MB21D2: variants seen among roughly 807,000 people sequenced by gnomAD.
The protein encoded by MB21D2 is Mab-21 domain containing 2.
In MB21D2, 9 loss-of-function variants were observed where a neutral mutation model predicts 33.3. That is an observed-to-expected ratio of 0.27 (90% confidence interval 0.16 to 0.47). MB21D2 has a LOEUF of 0.47. MB21D2 is among the 20% of genes least tolerant of loss of function. The probability of loss-of-function intolerance (pLI) is 0.99; values close to 1 mark genes in which losing one functional copy is unlikely to be tolerated. For synonymous variants in MB21D2, 241 were observed against 236.3 expected (o/e 1.02, Z -0.18); for missense variants, 540 against 624.6 (o/e 0.86, Z 1.44).
intron 1 of MB21D2, among the ~76,000 whole-genome samples, chr3:192,910,721 C>T (rs1184929649): frequency 6.6e-6 from 1 of 152,156 alleles, no homozygotes; most frequent in African/African-American, 2.4e-5. Flanking sequence ...ATATGTATAA[C>T]ACAGATGTTT....
intron 1 of MB21D2, among the ~76,000 whole-genome samples, chr3:192,878,075 C>T (rs1713474670): frequency 7.0e-6 from 1 of 143,558 alleles, no homozygotes; most frequent in Non-Finnish European, 1.5e-5. Flanking sequence ...TCAAACAATT[C>T]CTCCTCTTTT....
chr3:192,831,287 G>C (rs1712309504), intron 1 of MB21D2, among the ~76,000 whole-genome samples: 1 of 152,102 alleles, frequency 6.6e-6, no homozygotes, highest in African/African-American at 2.4e-5. Flanking sequence ...TGAGTCCGGT[G>C]GAAACTCTAG....
At chr3:192,860,466 A>G (rs184992716) in intron 1 of MB21D2, among the ~76,000 whole-genome samples, 28 of 152,354 alleles carry the variant, frequency 1.8e-4, no homozygotes, top group African/African-American at 6.5e-4. Context: ...TGTCATTAGC[A>G]TGCATAAAAA....
chr3:192,909,048 G>A (rs1714274738), intron 1 of MB21D2, among the ~76,000 whole-genome samples: 1 of 151,910 alleles, frequency 6.6e-6, no homozygotes, highest in South Asian at 2.1e-4. Context: ...GAGGTCGGGA[G>A]ATCGAGACCA....
chr3:192,907,309 CTCAG>C (rs142512176), intron 1 of MB21D2, among the ~76,000 whole-genome samples: 3,398 of 152,266 alleles, frequency 0.022, 110 homozygotes, highest in African/African-American at 0.077. Context: ...TCATTCCACT[CTCAG>C]TCAGATTCAC....
At chr3:192,837,044 G>A (rs1261358771) in intron 1 of MB21D2, among the ~76,000 whole-genome samples, 1 of 152,020 alleles carries the variant, frequency 6.6e-6, no homozygotes, top group Non-Finnish European at 1.5e-5. Flanking sequence ...TGGCCATAAT[G>A]CTTGAAGAAC....
chr3:192,855,254 G>A (rs1478592947), intron 1 of MB21D2, among the ~76,000 whole-genome samples: 7 of 151,852 alleles, frequency 4.6e-5, no homozygotes, highest in Non-Finnish European at 7.4e-5. Context: ...ACCTACCACC[G>A]CGCCTGGCTA....
intron 1 of MB21D2, among the ~76,000 whole-genome samples, chr3:192,901,362 G>T (rs1714096121): frequency 7.8e-6 from 1 of 128,920 alleles, no homozygotes; most frequent in African/African-American, 2.9e-5. Flanking sequence ...GAGGTCAGGA[G>T]ATCAAGACCA....
chr3:192,892,761 T>C (rs1713878784), intron 1 of MB21D2, among the ~76,000 whole-genome samples: 2 of 152,104 alleles, frequency 1.3e-5, no homozygotes, highest in African/African-American at 4.8e-5. Context: ...TGCTTATTAA[T>C]ACAGCTGGTA....
chr3:192,809,144 G>A (rs1251017069), intron 1 of MB21D2, among the ~76,000 whole-genome samples: 1 of 152,050 alleles, frequency 6.6e-6, no homozygotes, highest in Non-Finnish European at 1.5e-5. Flanking sequence ...TCCCCAGGCT[G>A]GAGTGCAGTG....
intron 1 of MB21D2, among the ~76,000 whole-genome samples, chr3:192,809,667 G>A (rs1264220685): frequency 2.6e-5 from 4 of 152,206 alleles, no homozygotes; most frequent in Non-Finnish European, 5.9e-5. Flanking sequence ...TTCTAGAGCA[G>A]ATTAAAAACT....
chr3:192,849,110 G>A (rs1712731868), intron 1 of MB21D2, among the ~76,000 whole-genome samples: 1 of 152,070 alleles, frequency 6.6e-6, no homozygotes, highest in African/African-American at 2.4e-5. Context: ...GAAATGGCTG[G>A]CATTCCACTA....
intron 1 of MB21D2, among the ~76,000 whole-genome samples, chr3:192,897,641 G>C (rs768719232): frequency 6.6e-6 from 1 of 152,112 alleles, no homozygotes. Context: ...AAACACATAT[G>C]GGGGAGGGGT....
At chr3:192,827,198 CT>C (rs1712194886) in intron 1 of MB21D2, among the ~76,000 whole-genome samples, 3 of 151,976 alleles carry the variant, frequency 2.0e-5, no homozygotes, top group East Asian at 1.9e-4. Context: ...GCCCGGCACC[CT>C]GTCTTTCTTA....
chr3:192,909,986 A>G (rs1714309425), intron 1 of MB21D2, among the ~76,000 whole-genome samples: 1 of 150,358 alleles, frequency 6.7e-6, no homozygotes, highest in Admixed American at 6.6e-5. Flanking sequence ...GAGAGAGAAA[A>G]GAGCCTAAGA....
intron 1 of MB21D2, among the ~76,000 whole-genome samples, chr3:192,807,072 G>C (rs2108610517): frequency 6.6e-6 from 1 of 152,250 alleles, no homozygotes; most frequent in East Asian, 1.9e-4. Context: ...TCAGTGAACA[G>C]GGTTTGTTGG....
intron 1 of MB21D2, among the ~76,000 whole-genome samples, chr3:192,844,203 C>T (rs1016446742): frequency 2.0e-5 from 3 of 152,208 alleles, no homozygotes; most frequent in African/African-American, 7.2e-5. Flanking sequence ...GTTGTCCTTC[C>T]CTCTGTGATG....
chr3:192,808,971 A>T (rs1382976843), intron 1 of MB21D2, among the ~76,000 whole-genome samples: 1 of 152,060 alleles, frequency 6.6e-6, no homozygotes, highest in Non-Finnish European at 1.5e-5. Context: ...CATACATCTC[A>T]TGACAAGGAC....
chr3:192,820,466 A>G (rs903113500), intron 1 of MB21D2, among the ~76,000 whole-genome samples: 1 of 152,206 alleles, frequency 6.6e-6, no homozygotes. Context: ...AGTTTTGTTA[A>G]AATGATTAGA....
Sources: allele counts gnomAD v4.1 joint callset (sites outside exome capture counted in the v4.1 genomes callset), GRCh38; gene constraint gnomAD v4.1.1; transcripts MANE v1.5; gene names NCBI Gene and HGNC (gene_info 2026-07-23, HGNC 2026-07-21).